The following ASTN1 variants were observed in gnomAD, a reference collection of about 807,000 sequenced individuals.
The protein encoded by ASTN1 is astrotactin-1.
Under a neutral mutation model 140.7 loss-of-function variants are expected in ASTN1, and 41 were observed. The observed-to-expected ratio is 0.29, with a 90% CI of 0.23 to 0.38. The LOEUF (loss-of-function observed/expected upper bound fraction) is 0.38. Ranked by LOEUF, ASTN1 falls within the 10% of genes least tolerant of loss-of-function variation. The pLI is 1.00. For synonymous variants in ASTN1, 640 were observed against 652.2 expected, an observed-to-expected ratio of 0.98 and a Z score of 0.29; for missense variants, 1,479 against 1,678.8, an observed-to-expected ratio of 0.88 and a Z score of 2.08.
At chr1:177,161,167 T>G in intron 1 of ASTN1, among the ~76,000 whole-genome samples, 1 of 152,150 alleles carries the variant, frequency 6.6e-6, no homozygotes, top group East Asian at 1.9e-4. Flanking sequence ...GGATCCAGAC[T>G]TCAATGCTTT....
In ASTN1 at chr1:176,898,739, T is replaced by C. The variant is rs145112940; in HGVS notation, c.2672-3909A>G. On this transcript the variant is annotated intron_variant, in intron 16 of 22. Transcript: ENST00000361833. The stretch of plus-strand genomic sequence containing the variant: ...AAGAAGACCCTGCCTTACTTCCTTG[T>C]GAATCAATGGCTCACCCCCTCCACT... Among the ~76,000 whole-genome samples the C allele has an allele frequency of 3.4e-4, 52 of 152,298 alleles. 2 individuals are homozygous for C. In the East Asian group the frequency reaches 0.01, roughly 29 times the overall value.
chr1:176,907,707 C>T (rs1436079432), intron 16 of ASTN1, among the ~76,000 whole-genome samples: 1 of 152,138 alleles, frequency 6.6e-6, no homozygotes, highest in African/African-American at 2.4e-5. Context: ...CTGTAGACAG[C>T]CCCATTCAAT....
chr1:177,161,864 T>A (rs1230659443), intron 1 of ASTN1, among the ~76,000 whole-genome samples: 1 of 152,174 alleles, frequency 6.6e-6, no homozygotes. Flanking sequence ...TTCCACAGCA[T>A]CCCTATACCC....
At chr1:176,907,194 A>T (rs12732567) in intron 16 of ASTN1, among the ~76,000 whole-genome samples, 2 of 152,114 alleles carry the variant, frequency 1.3e-5, no homozygotes, top group African/African-American at 4.8e-5. Flanking sequence ...TTTATCAGGC[A>T]CTCCAAGTGA....
chr1:177,070,092 C>T (rs746154492), intron 1 of ASTN1, among the ~76,000 whole-genome samples: 1 of 152,124 alleles, frequency 6.6e-6, no homozygotes, highest in Non-Finnish European at 1.5e-5. Context: ...TCATTTCATA[C>T]ATTGTAATGA....
At chr1:177,005,200 A>G (rs997321760) in intron 8 of ASTN1, among the ~76,000 whole-genome samples, 1 of 152,252 alleles carries the variant, frequency 6.6e-6, no homozygotes, top group Non-Finnish European at 1.5e-5. Context: ...TTTAAAAAAA[A>G]TACAAATGGC....
chr1:176,995,365 A>C (rs1217936273), intron 8 of ASTN1, among the ~76,000 whole-genome samples: 1 of 152,204 alleles, frequency 6.6e-6, no homozygotes. Context: ...GAAGAGGGCC[A>C]CTTTATTAAG....
intron 1 of ASTN1, among the ~76,000 whole-genome samples, chr1:177,139,025 T>C (rs1313757895): frequency 6.6e-6 from 1 of 152,192 alleles, no homozygotes; most frequent in Non-Finnish European, 1.5e-5. Context: ...GAGAGTCCAT[T>C]GAAAAACCTT....
rs1557941077 is a variant in ASTN1 at position 176,894,627 on chromosome 1, C to A, written c.2875G>T (p.Val959Phe). 8.1e-6 allele frequency: 13 copies of A among 1,614,104 alleles called. No individual in the cohort carries two copies. The highest frequency in any genetic ancestry group is 1.1e-5 in the Non-Finnish European group (13 of 1,180,030). The change falls in exon 17 of 23, where the codon GTT (valine) becomes TTT (phenylalanine). Residue 959 changes from valine (V) to phenylalanine (F), a missense_variant. Physicochemically the swap from Val to Phe is conservative, Grantham distance 50. Coordinates refer to ENST00000361833, the MANE Select transcript of ASTN1 (RefSeq NM_004319.3). ...TSSPDTPAEP[V>F]LLEVTKAAPI... ...GCTGCTTTGGTCACCTCCAGCAGAA[C>A]CGGCTCAGCAGGGGTGTCAGGGCTG...
chr1:177,006,788 C>G (rs1455735924), intron 8 of ASTN1, among the ~76,000 whole-genome samples: 2 of 152,152 alleles, frequency 1.3e-5, no homozygotes, highest in East Asian at 1.9e-4. Flanking sequence ...AGCCTCCCCC[C>G]TCCTCTGGGG....
intron 7 of ASTN1, among the ~76,000 whole-genome samples, chr1:177,017,677 G>A (rs1254684000): frequency 6.6e-6 from 1 of 152,180 alleles, no homozygotes; most frequent in Non-Finnish European, 1.5e-5. Flanking sequence ...GTCATGGTAC[G>A]GAGGAGAGCC....
At chr1:176,985,891 C>A (rs1349021486) in intron 8 of ASTN1, among the ~76,000 whole-genome samples, 1 of 149,844 alleles carries the variant, frequency 6.7e-6, no homozygotes, top group Non-Finnish European at 1.5e-5. Flanking sequence ...CACACACACA[C>A]ACACAGACAG....
chr1:176,881,945 T>C (rs1182625331), intron 20 of ASTN1, among the ~76,000 whole-genome samples: 2 of 152,202 alleles, frequency 1.3e-5, no homozygotes, highest in Non-Finnish European at 2.9e-5. Flanking sequence ...TGCAAACTGT[T>C]AAATGTTTTT....
intron 1 of ASTN1, among the ~76,000 whole-genome samples, chr1:177,071,529 C>T (rs1279011460): frequency 1.3e-5 from 2 of 152,224 alleles, no homozygotes; most frequent in Non-Finnish European, 2.9e-5. Flanking sequence ...TTCTCATCCT[C>T]ATTCTAGGGA....
At chr1:176,881,759 A>C (rs549440046) in intron 20 of ASTN1, among the ~76,000 whole-genome samples, 3 of 152,312 alleles carry the variant, frequency 2.0e-5, no homozygotes, top group Admixed American at 2.0e-4. Flanking sequence ...TTCATCATGC[A>C]TAGCCCATAG....
intron 1 of ASTN1, among the ~76,000 whole-genome samples, chr1:177,149,145 G>C (rs1441595711): frequency 8.1e-6 from 1 of 123,938 alleles, no homozygotes; most frequent in East Asian, 2.3e-4. Context: ...CATATATATA[G>C]TGCATATATA....
intron 8 of ASTN1, among the ~76,000 whole-genome samples, chr1:177,004,207 C>T (rs1215817668): frequency 6.6e-6 from 1 of 151,734 alleles, no homozygotes; most frequent in East Asian, 1.9e-4. Flanking sequence ...ATCAAGAACT[C>T]AATCTCTTTT....
intron 16 of ASTN1, among the ~76,000 whole-genome samples, chr1:176,918,451 C>T (rs1670584693): frequency 6.6e-6 from 1 of 152,132 alleles, no homozygotes; most frequent in African/African-American, 2.4e-5. Flanking sequence ...CTTTACTGCT[C>T]ACCCCCCGGC....
At chr1:177,097,346 T>C (rs1385477121) in intron 1 of ASTN1, among the ~76,000 whole-genome samples, 1 of 152,210 alleles carries the variant, frequency 6.6e-6, no homozygotes, top group Non-Finnish European at 1.5e-5. Context: ...TTCAACCTAA[T>C]GATTCCAGCT....
Sources: allele counts gnomAD v4.1 joint callset (sites outside exome capture counted in the v4.1 genomes callset), GRCh38; gene constraint gnomAD v4.1.1; transcripts MANE v1.5; gene names NCBI Gene and HGNC (gene_info 2026-07-23, HGNC 2026-07-21).